CNNM2: variants seen among roughly 807,000 people sequenced by gnomAD.
CNNM2 encodes the protein metal transporter CNNM2.
Under a neutral mutation model 66.9 loss-of-function variants are expected in CNNM2, and 12 were observed. The ratio of observed to expected loss-of-function variants is 0.18; its 90% CI spans 0.11 to 0.29. The LOEUF is 0.29. Ranked by LOEUF, CNNM2 falls within the 10% of genes least tolerant of loss-of-function variation. The pLI is 1.00. For synonymous variants in CNNM2, 557 were observed against 501.8 expected, an observed-to-expected ratio of 1.11 and a Z score of -1.47; for missense variants, 705 against 1,167.7, an observed-to-expected ratio of 0.60 and a Z score of 5.77.
intron 4 of CNNM2, among the ~76,000 whole-genome samples, chr10:103,067,329 A>T (rs1403847717): frequency 6.6e-6 from 1 of 152,034 alleles, no homozygotes; most frequent in African/African-American, 2.4e-5. Context: ...CGGTCTCCCA[A>T]AGTGCTGAGG....
At chr10:103,064,605 GAGA>G in intron 4 of CNNM2, among the ~76,000 whole-genome samples, 1 of 152,212 alleles carries the variant, frequency 6.6e-6, no homozygotes, top group Admixed American at 6.5e-5. Context: ...AACACTTTGG[GAGA>G]CTGAGGAGGG....
At chr10:102,976,355 G>A (rs1343744675) in intron 1 of CNNM2, among the ~76,000 whole-genome samples, 2 of 151,326 alleles carry the variant, frequency 1.3e-5, no homozygotes, top group African/African-American at 4.9e-5. Context: ...GAACCCTCAA[G>A]GCTGGGTTAG....
rs923112504 is a variant in CNNM2 at position 103,080,441 on chromosome 10, C to G, written c.*3261C>G. 1.3e-5 allele frequency: 2 copies of G among 152,328 alleles called. No homozygotes were observed. Among genetic ancestry groups the G allele is most frequent in the Middle Eastern group, 6.8e-3 (2 of 294 alleles). 9.4% of individuals were successfully genotyped at this position (152,328 alleles called of 1,614,324 possible). A position where few individuals can be genotyped will look rare whatever the true frequency, so the allele number is the denominator to read the frequency against. ...GGAAAACAAAATCTTAAGACTTACA[C>G]AGATATCGGGGTGCTAATCAACTGG... On this transcript the variant is annotated 3_prime_UTR_variant, in exon 8 of 8. Transcript: ENST00000369878.
intron 1 of CNNM2, among the ~76,000 whole-genome samples, chr10:102,925,587 C>CT (rs1381468531): frequency 3.3e-5 from 5 of 152,166 alleles, no homozygotes; most frequent in African/African-American, 7.2e-5. Flanking sequence ...TCCCATGTCC[C>CT]TGACTTCTAG....
At chr10:102,962,394 C>T (rs753137489) in intron 1 of CNNM2, among the ~76,000 whole-genome samples, 5 of 152,100 alleles carry the variant, frequency 3.3e-5, no homozygotes, top group African/African-American at 4.8e-5. Flanking sequence ...GAGGTGGGTG[C>T]TATCACTGTG....
At chr10:102,966,820 G>A (rs1430154498) in intron 1 of CNNM2, among the ~76,000 whole-genome samples, 1 of 152,184 alleles carries the variant, frequency 6.6e-6, no homozygotes, top group Non-Finnish European at 1.5e-5. Flanking sequence ...TGTGCTGAGT[G>A]CAAAGCTCAG....
At chr10:103,027,864 A>G (rs1290283556) in intron 1 of CNNM2, among the ~76,000 whole-genome samples, 1 of 152,194 alleles carries the variant, frequency 6.6e-6, no homozygotes, top group Non-Finnish European at 1.5e-5. Flanking sequence ...TTCAATTTTT[A>G]TAGTAAACAT....
At position 102,924,290 on chromosome 10, in the gene CNNM2, G is replaced by A. The variant is rs371510978; in HGVS notation, c.1621+4189G>A. Among the ~76,000 whole-genome samples, 6 of 152,270 alleles carry A rather than the reference G, an allele frequency of 3.9e-5. No homozygotes were observed. In the South Asian group the frequency reaches 1.0e-3, roughly 26 times the overall value. On this transcript the variant is annotated intron_variant, in intron 1 of 7. Transcript: ENST00000369878. ...TGGGCCACCAAGTTGTCTATGCTGAGGTGCATTTGAAGAATTTGTAACCAG... is the reference window on the plus strand; with the variant it reads ...TGGGCCACCAAGTTGTCTATGCTGAAGTGCATTTGAAGAATTTGTAACCAG...
chr10:102,948,178 A>T (rs1175955512), intron 1 of CNNM2, among the ~76,000 whole-genome samples: 3 of 152,216 alleles, frequency 2.0e-5, no homozygotes, highest in Non-Finnish European at 4.4e-5. Flanking sequence ...TCTTTTGGTG[A>T]ACAAGATTGT....
chr10:103,076,334 G>C, intron 7 of CNNM2, 64 bp downstream of exon 7: 1 of 1,507,156 alleles, frequency 6.6e-7, no homozygotes. Flanking sequence ...CTGGCAAATT[G>C]TCTGTTTTGC....
At chr10:102,937,933 G>T (rs773418773) in intron 1 of CNNM2, among the ~76,000 whole-genome samples, 1 of 151,764 alleles carries the variant, frequency 6.6e-6, no homozygotes, top group Admixed American at 6.6e-5. Flanking sequence ...CCCCAGAAAC[G>T]TTTAATTTAA....
At chr10:102,978,145 G>A (rs1371368037) in intron 1 of CNNM2, among the ~76,000 whole-genome samples, 1 of 151,384 alleles carries the variant, frequency 6.6e-6, no homozygotes, top group Middle Eastern at 3.4e-3. Flanking sequence ...TCCTGACCTC[G>A]TGATCCACCC....
chr10:102,992,291 T>TTTTTTTTTTG (rs2063912852), intron 1 of CNNM2, among the ~76,000 whole-genome samples: 1 of 149,194 alleles, frequency 6.7e-6, no homozygotes, highest in African/African-American at 2.5e-5. Context: ...TTTTTTTTTT[T>TTTTTTTTTTG]GAGATGCAGT....
At chr10:103,059,579 A>T (rs1226309029) in intron 4 of CNNM2, among the ~76,000 whole-genome samples, 1 of 152,258 alleles carries the variant, frequency 6.6e-6, no homozygotes, top group African/African-American at 2.4e-5. Flanking sequence ...GTAGATTTTT[A>T]CACCAAAATG....
At chr10:103,004,061 C>T (rs1394857231) in intron 1 of CNNM2, among the ~76,000 whole-genome samples, 4 of 128,908 alleles carry the variant, frequency 3.1e-5, no homozygotes, top group African/African-American at 9.0e-5. Context: ...GGCGCAATCT[C>T]GGCTCACTGC....
intron 1 of CNNM2, among the ~76,000 whole-genome samples, chr10:102,981,481 C>G (rs1482075376): frequency 1.3e-5 from 2 of 151,886 alleles, no homozygotes; most frequent in East Asian, 1.9e-4. Context: ...CCAGTAGTTC[C>G]TAGAGAAAAG....
chr10:103,047,717 A>G (rs1156963465), intron 1 of CNNM2, among the ~76,000 whole-genome samples: 1 of 152,214 alleles, frequency 6.6e-6, no homozygotes, highest in Non-Finnish European at 1.5e-5. Flanking sequence ...GTACTCGTGC[A>G]TGATTTTGTA....
At position 103,057,035 on chromosome 10, in the gene CNNM2, G is replaced by T. The variant is rs2065306486; in HGVS notation, c.2073+71G>T. The T allele has an allele frequency of 4.7e-6, 7 of 1,486,064 alleles. No individual in the cohort carries two copies. The East Asian group carries it at 1.1e-4, about 24-fold the overall frequency. The allele number at this position is 1,486,064 out of a possible 1,614,324, so 92.1% of individuals were successfully genotyped here. On this transcript the variant is annotated intron_variant, in intron 4 of 7. Coordinates refer to ENST00000369878, the MANE Select transcript of CNNM2 (RefSeq NM_017649.5). ...TCTTTCAGTTTGGTGTAAGTGAATG[G>T]GTGTCACCGTGTACATACTGAACCT...
At position 103,054,227 on chromosome 10, in the gene CNNM2, C is replaced by T. The variant is rs1042928023; in HGVS notation, c.1766-102C>T. 9 of 1,328,660 alleles carry T rather than the reference C, an allele frequency of 6.8e-6. No individual in the cohort carries two copies. In the African/African-American group the frequency reaches 1.3e-4, roughly 20 times the overall value. 82.3% of individuals were successfully genotyped at this position (1,328,660 alleles called of 1,614,324 possible). ...CATAGAGCGCCTGCATCTGGAAATACAGTCCAGCTCTTCCAATATATTTTG... is the reference window on the plus strand; with the variant it reads ...CATAGAGCGCCTGCATCTGGAAATATAGTCCAGCTCTTCCAATATATTTTG... On this transcript the variant is annotated intron_variant, in intron 2 of 7. Transcript: ENST00000369878. This position sits in a 1 kb window ranked among gnomAD's most constrained non-coding sequence, Gnocchi z 5.2.
Sources: allele counts gnomAD v4.1 joint callset (sites outside exome capture counted in the v4.1 genomes callset), GRCh38; gene constraint gnomAD v4.1.1; non-coding constraint Gnocchi (gnomAD v3.1); transcripts MANE v1.5; gene names NCBI Gene and HGNC (gene_info 2026-07-23, HGNC 2026-07-21).